The following ATAD3B variants were observed in gnomAD, a reference collection of about 807,000 sequenced individuals.
ATAD3B encodes the protein ATPase family AAA domain-containing protein 3B.
Under a neutral mutation model 70.2 loss-of-function variants are expected in ATAD3B, and 59 were observed. The observed-to-expected ratio is 0.84, with a 90% CI of 0.68 to 1.04. The LOEUF is 1.04. ATAD3B is among the 50% of genes least tolerant of loss of function. The probability of loss-of-function intolerance (pLI) is 0.00; values close to 1 mark genes in which losing one functional copy is unlikely to be tolerated. For missense variants in ATAD3B, 961 were observed against 913.4 expected, an observed-to-expected ratio of 1.05 and a Z score of -0.67; for synonymous variants, 423 against 388.6, an observed-to-expected ratio of 1.09 and a Z score of -1.04.
downstream of ATAD3B, among the ~76,000 whole-genome samples, chr1:1,499,654 C>T (rs867119583): frequency 2.4e-5 from 3 of 126,290 alleles, no homozygotes; most frequent in Middle Eastern, 7.5e-3. Flanking sequence ...AGTGCAGTGG[C>T]GCAATCTCTG....
chr1:1,490,380 G>C lies in ATAD3B; in HGVS notation c.1461G>C (p.Leu487=), dbSNP rs1201542212. ...AGGAGCGGGAGCGCCTGGTGAGACT[G>C]CATTTTGACAACTGTGTTCTTAAGC... ...QQEERERLVR[L]HFDNCVLKPA... is the part of the protein sequence containing the mutation. The change falls in exon 14 of 16, where the codon CTG becomes CTC. Residue 487 remains leucine, a synonymous_variant. Coordinates refer to ENST00000673477, the MANE Select transcript of ATAD3B (RefSeq NM_031921.6). 1 of 1,613,358 alleles carries C rather than the reference G, an allele frequency of 6.2e-7. No homozygotes were observed. Among genetic ancestry groups the C allele is most frequent in the African/African-American group, 1.3e-5 (1 of 74,936 alleles).
chr1:1,479,317 C>G (rs1453524877), intron 4 of ATAD3B, among the ~76,000 whole-genome samples: 1 of 147,896 alleles, frequency 6.8e-6, no homozygotes, highest in African/African-American at 2.5e-5. Flanking sequence ...CACGGAGACA[C>G]AGGCACCTGC....
chr1:1,482,042 C>T (rs550651009), intron 5 of ATAD3B, 96 bp from the exon 6 acceptor site: 37 of 1,501,624 alleles, frequency 2.5e-5, no homozygotes, highest in South Asian at 5.1e-5. Context: ...CTGTCCGTGG[C>T]GTGGGCCGGT....
chr1:1,499,977 A>C (rs1412465877), downstream of ATAD3B, among the ~76,000 whole-genome samples: 1 of 148,882 alleles, frequency 6.7e-6, no homozygotes, highest in Non-Finnish European at 1.5e-5. Flanking sequence ...GTCTCACTGC[A>C]ACCTCCGCCT....
At position 1,482,589 on chromosome 1, in the gene ATAD3B, CAG is replaced by C. The variant is rs1408397968; in HGVS notation, c.727_728del (p.Asp243ProfsTer78). The C allele has an allele frequency of 1.2e-6, 2 of 1,613,240 alleles. No homozygotes were observed. The highest frequency in any genetic ancestry group is 2.7e-5 in the African/African-American group (2 of 74,870). Reference sequence around the variant, plus strand: ...GGGGAAGGATTCCGTGCCTTTGTGACAGACCGGGACAAAGTGACAGCCACGGT... The same window carrying C: ...GGGGAAGGATTCCGTGCCTTTGTGACACCGGGACAAAGTGACAGCCACGGT... On this transcript the variant is annotated frameshift_variant, in exon 7 of 16. Transcript: ENST00000673477. LOFTEE classifies it high-confidence loss of function.
chr1:1,472,920 G>A (rs1203018643), intron 1 of ATAD3B, among the ~76,000 whole-genome samples: 1 of 151,666 alleles, frequency 6.6e-6, no homozygotes, highest in African/African-American at 2.4e-5. Context: ...TGCAACCTCC[G>A]CCTCCGATTC....
chr1:1,482,519 T>C, intron 6 of ATAD3B, 26 bp from the exon 7 acceptor site: 1 of 1,613,358 alleles, frequency 6.2e-7, no homozygotes, highest in Non-Finnish European at 8.5e-7. Context: ...GTGTCCTTCC[T>C]GGTCACACCA....
chr1:1,474,441 C>T (rs1427008981), intron 1 of ATAD3B, among the ~76,000 whole-genome samples: 3 of 151,866 alleles, frequency 2.0e-5, no homozygotes, highest in South Asian at 4.2e-4. Flanking sequence ...CCACCCGCCT[C>T]GGCCACCCAA....
At chr1:1,501,035 A>C (rs1265714261), downstream of ATAD3B, among the ~76,000 whole-genome samples, 1 of 152,178 alleles carries the variant, frequency 6.6e-6, no homozygotes, top group East Asian at 1.9e-4. Context: ...GGCTTGGCTG[A>C]GTGCAAACAG....
the ATAD3B span, among the ~76,000 whole-genome samples, chr1:1,502,916 A>T: frequency 6.6e-6 from 1 of 151,464 alleles, no homozygotes; most frequent in Non-Finnish European, 1.5e-5. Context: ...TCTAATATAT[A>T]TATATATAAA....
intron 8 of ATAD3B, 74 bp downstream of exon 8, chr1:1,485,245 C>G: frequency 6.4e-7 from 1 of 1,572,316 alleles, no homozygotes; most frequent in Non-Finnish European, 8.6e-7. Flanking sequence ...GCACAGCCCA[C>G]GCACACCCTC....
intron 1 of ATAD3B, among the ~76,000 whole-genome samples, chr1:1,473,535 G>A (rs1001656245): frequency 2.7e-5 from 4 of 146,244 alleles, no homozygotes; most frequent in African/African-American, 7.6e-5. Flanking sequence ...CTTGCTCTTT[G>A]GCCAGGCTGG....
At chr1:1,481,978 AGCCTGTTGGTGGCGTGGGCCG>A (rs1639930560) in intron 5 of ATAD3B, among the ~76,000 whole-genome samples, 139 bp from the exon 6 acceptor site, 2 of 131,794 alleles carry the variant, frequency 1.5e-5, no homozygotes, top group African/African-American at 7.3e-5. Context: ...CCGTGGCCTT[AGCCTGTTGGTGGCGTGGGCCG>A]GTCCGTGGCA....
chr1:1,473,464 A>G (rs1187618154), intron 1 of ATAD3B, among the ~76,000 whole-genome samples: 2 of 149,864 alleles, frequency 1.3e-5, no homozygotes, highest in Non-Finnish European at 1.5e-5. Context: ...TCGGCCTCCC[A>G]AAGTGCTGGG....
intron 15 of ATAD3B, among the ~76,000 whole-genome samples, chr1:1,494,325 C>T (rs914360583): frequency 6.6e-6 from 1 of 151,974 alleles, no homozygotes; most frequent in Non-Finnish European, 1.5e-5. Context: ...GACGTGCAGC[C>T]ACTCGGGTGG....
downstream of ATAD3B, among the ~76,000 whole-genome samples, chr1:1,499,888 C>T (rs1467756083): frequency 6.6e-6 from 1 of 150,718 alleles, no homozygotes; most frequent in Non-Finnish European, 1.5e-5. Context: ...GCCACCGTGC[C>T]CAGCCTTTTT....
In ATAD3B at chr1:1,485,826, T is replaced by C. The variant is rs1570245920; in HGVS notation, c.951T>C (p.Gly317=). The change falls in exon 9 of 16, where the codon GGT becomes GGC. Residue 317 remains glycine (G), a synonymous_variant. Transcript: ENST00000673477. The part of the protein sequence containing the change: ...LLSRPQDVLE[G]VVLSPSLEAR... ...GTCGACCCCAGGACGTGCTGGAGGG[T>C]GTTGTGCTTAGTGTAAGTCGGTGTG... The C allele has an allele frequency of 2.5e-6, 4 of 1,611,702 alleles. No homozygotes were observed. The highest frequency in any genetic ancestry group is 1.3e-5 in the African/African-American group (1 of 74,536).
At chr1:1,473,169 T>A (rs1639420051) in intron 1 of ATAD3B, among the ~76,000 whole-genome samples, 1 of 128,544 alleles carries the variant, frequency 7.8e-6, no homozygotes. Context: ...GAGATGAGTC[T>A]CGCTCTGTCG....
the ATAD3B span, among the ~76,000 whole-genome samples, chr1:1,505,059 C>G: frequency 6.6e-6 from 1 of 152,100 alleles, no homozygotes; most frequent in East Asian, 1.9e-4. Flanking sequence ...AGATAAAAGA[C>G]AGCTGGGCCC....
Sources: allele counts gnomAD v4.1 joint callset (sites outside exome capture counted in the v4.1 genomes callset), GRCh38; gene constraint gnomAD v4.1.1; transcripts MANE v1.5; gene names NCBI Gene and HGNC (gene_info 2026-07-23, HGNC 2026-07-21).